Variants in FAM131C observed in about 807,000 individuals in gnomAD.
FAM131C encodes the protein protein FAM131C.
In FAM131C, 14 loss-of-function variants were observed where a neutral mutation model predicts 29.8. That is an observed-to-expected ratio of 0.47 (90% CI 0.31 to 0.73). The LOEUF (loss-of-function observed/expected upper bound fraction) is 0.73. Among genes scored for constraint, FAM131C ranks in the 30% least tolerant of loss-of-function variants. FAM131C has a pLI of 0.05. For missense variants in FAM131C, 252 were observed against 383.8 expected (o/e 0.66, Z 2.87); for synonymous variants, 86 against 157.8 (o/e 0.54, Z 3.41).
rs1265874002 is a variant in FAM131C at position 16,058,199 on chromosome 1, G to T, written c.*238C>A. 2.7e-6 allele frequency: 1 copy of T among 365,170 alleles called. No individual in the cohort carries two copies. The highest frequency in any genetic ancestry group is 2.1e-5 in the African/African-American group (1 of 47,924). 22.6% of individuals were successfully genotyped at this position (365,170 alleles called of 1,614,324 possible). Reference sequence around the variant, plus strand: ...GGGCAGACACCCTGCAGGGGAAGGTGCCCACCTGAGTGAAGTAATGAAGGG... The same window carrying T: ...GGGCAGACACCCTGCAGGGGAAGGTTCCCACCTGAGTGAAGTAATGAAGGG... On this transcript the variant is annotated 3_prime_UTR_variant, in exon 7 of 7. Transcript: ENST00000375662.
intron 1 of FAM131C, among the ~76,000 whole-genome samples, chr1:16,066,216 T>G (rs2023680697): frequency 6.6e-6 from 1 of 152,184 alleles, no homozygotes; most frequent in Non-Finnish European, 1.5e-5. Flanking sequence ...CCAACTGGAT[T>G]AGACTTAGTT....
At chr1:16,068,340 G>C (rs1025001090) in intron 1 of FAM131C, among the ~76,000 whole-genome samples, 2 of 152,200 alleles carry the variant, frequency 1.3e-5, no homozygotes, top group African/African-American at 4.8e-5. Context: ...GCCCAGAAAG[G>C]GCTGCAGCAA....
At chr1:16,063,671 G>T in intron 1 of FAM131C, 35 bp from the exon 2 acceptor site, 1 of 1,437,628 alleles carries the variant, frequency 7.0e-7, no homozygotes, top group Non-Finnish European at 9.6e-7. Flanking sequence ...ACTCAGCAAA[G>T]CCCAGCCCTC....
At chr1:16,066,260 C>T (rs534053431) in intron 1 of FAM131C, among the ~76,000 whole-genome samples, 3 of 152,300 alleles carry the variant, frequency 2.0e-5, no homozygotes, top group Non-Finnish European at 2.9e-5. Context: ...GGGATCCACC[C>T]AAAGGTAAGC....
At position 16,059,865 on chromosome 1, in the gene FAM131C, T is replaced by C; in HGVS notation, c.451+4A>G. On this transcript the variant is annotated splice_donor_region_variant and intron_variant, in intron 5 of 6. Transcript: ENST00000375662. ...AGCCCTGGCCAGTCCCCCTCCTCGC[T>C]GACCTGCAGCAAAGCGGGCCTCACG... is the stretch of plus-strand genomic sequence containing the variant. 8.4e-7 allele frequency: 1 copy of C among 1,187,656 alleles called. No homozygotes were observed. Among genetic ancestry groups the C allele is most frequent in the Non-Finnish European group, 1.1e-6 (1 of 939,598 alleles). 73.6% of individuals were successfully genotyped at this position (1,187,656 alleles called of 1,614,324 possible).
Position 16,059,986 on chromosome 1 carries a change from G to A in FAM131C, c.334C>T (p.His112Tyr), listed in dbSNP as rs1441612343. ...CTCCAGCCCTTCCACTCGATGAGGT[G>A]GGCCACGCGGCCTCGGGCCATGGCC... is the stretch of plus-strand genomic sequence containing the variant. ...PTAMARGRVA[H>Y]LIEWKGWSAQ... The change falls in exon 5 of 7, where the codon CAC becomes TAC. Residue 112 changes from histidine (H) to tyrosine (Y), a missense_variant. This residue lies in a region of FAM131C where 52 missense variants were observed against 105.9 expected (regional missense o/e 0.49). Coordinates refer to ENST00000375662, the MANE Select transcript of FAM131C (RefSeq NM_182623.3). The A allele has an allele frequency of 1.3e-6, 2 of 1,565,722 alleles. No individual in the cohort carries two copies. The highest frequency in any genetic ancestry group is 1.7e-6 in the Non-Finnish European group (2 of 1,149,672).
chr1:16,062,345 T>TACCACGGGACAACC (rs1298660823), intron 3 of FAM131C, among the ~76,000 whole-genome samples, 153 bp from the exon 4 acceptor site: 8 of 97,398 alleles, frequency 8.2e-5, no homozygotes, highest in Non-Finnish European at 1.9e-5. Flanking sequence ...TCCTACTAAC[T>TACCACGGGACAACC]CCCACGGGAC....
intron 1 of FAM131C, among the ~76,000 whole-genome samples, chr1:16,069,446 T>C (rs939957299): frequency 3.3e-5 from 5 of 152,156 alleles, no homozygotes; most frequent in African/African-American, 1.2e-4. Context: ...ATGTCTGAGT[T>C]TCCAGAAGAA....
At chr1:16,068,303 T>C (rs1337236418) in intron 1 of FAM131C, among the ~76,000 whole-genome samples, 2 of 152,242 alleles carry the variant, frequency 1.3e-5, no homozygotes, top group Non-Finnish European at 2.9e-5. Context: ...CTGTGAGCCT[T>C]GGATTCTCAT....
intron 4 of FAM131C, among the ~76,000 whole-genome samples, chr1:16,061,293 C>T (rs2023589585): frequency 6.6e-6 from 1 of 151,822 alleles, no homozygotes; most frequent in Admixed American, 6.6e-5. Context: ...TGGAGGAAGG[C>T]ACTGGAGATG....
intron 1 of FAM131C, among the ~76,000 whole-genome samples, chr1:16,064,867 G>A (rs1397855880): frequency 6.6e-6 from 1 of 152,246 alleles, no homozygotes; most frequent in Non-Finnish European, 1.5e-5. Context: ...GGCTGCTCCA[G>A]CCTCTTCTTG....
In FAM131C at chr1:16,058,315, C is replaced by T; in HGVS notation, c.*122G>A. 3 of 1,090,310 alleles carry T rather than the reference C, an allele frequency of 2.8e-6. No homozygotes were observed. Among genetic ancestry groups the T allele is most frequent in the East Asian group, 2.8e-5 (1 of 36,294 alleles). The allele number at this position is 1,090,310 out of a possible 1,614,324, so 67.5% of individuals were successfully genotyped here. ...CTGGCCCCATCCCTGCCGCACCTAC[C>T]CTGTGCCTACCCGAGGGGTCAAGGG... On this transcript the variant is annotated 3_prime_UTR_variant, in exon 7 of 7. Coordinates refer to ENST00000375662, the MANE Select transcript of FAM131C (RefSeq NM_182623.3).
At chr1:16,060,765 A>C (rs1219693068) in intron 4 of FAM131C, among the ~76,000 whole-genome samples, 5 of 152,218 alleles carry the variant, frequency 3.3e-5, no homozygotes, top group Admixed American at 2.6e-4. Context: ...CTGATCAGGG[A>C]CAGAACAGGG....
Position 16,060,028 on chromosome 1 carries a change from G to C in FAM131C, c.292C>G (p.His98Asp), listed in dbSNP as rs2023572668. ...LVGVVQSIKD[H>D]ITKPTAMARG... ...GCCATGGCCGTGGGCTTTGTGATGTGGTCCTTGATGCTCTGCACCACCCCT... is the reference window on the plus strand; with the variant it reads ...GCCATGGCCGTGGGCTTTGTGATGTCGTCCTTGATGCTCTGCACCACCCCT... Residue 98 changes from histidine (H) to aspartate (D), a missense_variant, in exon 5 of 7, where the codon CAC becomes GAC. Physicochemically the swap from His to Asp is moderately conservative, Grantham distance 81. Transcript: ENST00000375662. The C allele has an allele frequency of 6.7e-7, 1 of 1,491,482 alleles. No homozygotes were observed. Among genetic ancestry groups the C allele is most frequent in the African/African-American group, 1.4e-5 (1 of 71,822 alleles). The allele number at this position is 1,491,482 out of a possible 1,614,324, so 92.4% of individuals were successfully genotyped here.
In FAM131C at chr1:16,062,139, G is replaced by A. The variant is rs1323275822; in HGVS notation, c.228C>T (p.Gly76=). The A allele has an allele frequency of 2.5e-6, 4 of 1,611,810 alleles. No individual in the cohort carries two copies. Among genetic ancestry groups the A allele is most frequent in the East Asian group, 4.5e-5 (2 of 44,888 alleles). The stretch of plus-strand genomic sequence containing the variant: ...TGGCCAGGGCTGCCACGTTGTAGTT[G>A]CCGGGGCGGGATCTGGAGTCGGACA... The part of the protein sequence containing the change: ...GYLSDSRSRP[G]NYNVAALATS... The change falls in exon 4 of 7, where the codon GGC becomes GGT. Residue 76 remains glycine, a synonymous_variant. Coordinates refer to ENST00000375662, the MANE Select transcript of FAM131C (RefSeq NM_182623.3).
At chr1:16,069,079 C>T (rs148729037) in intron 1 of FAM131C, among the ~76,000 whole-genome samples, 5 of 152,282 alleles carry the variant, frequency 3.3e-5, no homozygotes, top group African/African-American at 4.8e-5. Flanking sequence ...GATAGGGAAA[C>T]GGAGGCTCAG....
chr1:16,071,179 G>C (rs1275239170), intron 1 of FAM131C, among the ~76,000 whole-genome samples: 5 of 152,250 alleles, frequency 3.3e-5, no homozygotes, highest in Admixed American at 6.5e-5. Context: ...GGGCCAGGTG[G>C]GGGGCTCAGG....
intron 1 of FAM131C, among the ~76,000 whole-genome samples, chr1:16,064,469 C>T (rs1039452288): frequency 6.6e-6 from 1 of 152,194 alleles, no homozygotes; most frequent in African/African-American, 2.4e-5. Context: ...GCCCTCCCCC[C>T]AGAGGCTCTG....
rs748143203 is a variant in FAM131C at position 16,059,507 on chromosome 1, G to C, written c.549C>G (p.Ile183Met). Residue 183 changes from isoleucine (I) to methionine (M), a missense_variant, in exon 6 of 7, where the codon ATC (isoleucine) becomes ATG (methionine). Physicochemically the swap from Ile to Met is conservative, Grantham distance 10. Around this residue, in one of 6 missense-constraint regions of FAM131C, gnomAD observed 33 missense variants for 54.0 expected, o/e 0.61. Coordinates refer to ENST00000375662, the MANE Select transcript of FAM131C (RefSeq NM_182623.3). ...ELHPENSPQG[I>M]VQLQDLESIY... is the part of the protein sequence containing the mutation. ...TCTGGGCTGTACCTTGGAGCTGGAC[G>C]ATGCCTTGGGGGCTGTTCTCGGGGT... 2 of 1,610,772 alleles carry C rather than the reference G, an allele frequency of 1.2e-6. No homozygotes were observed. The highest frequency in any genetic ancestry group is 3.4e-5 in the Admixed American group (2 of 59,590).
Sources: gnomAD v4.1 joint callset for allele counts (sites outside exome capture counted in the v4.1 genomes callset) on GRCh38, gnomAD v4.1.1 for gene constraint, gnomAD v4.1.1 regional missense constraint, MANE v1.5 for transcripts, NCBI Gene and HGNC (gene_info 2026-07-23, HGNC 2026-07-21) for gene names.